The following BCL2 variants were observed in gnomAD, a reference collection of about 807,000 sequenced individuals.
BCL2 encodes the protein apoptosis regulator Bcl-2.
In BCL2, 1 loss-of-function variant was observed where a neutral mutation model predicts 14.2. The ratio of observed to expected loss-of-function variants is 0.07; its 90% CI spans 0.02 to 0.33. The LOEUF is 0.33. Ranked by LOEUF, BCL2 falls within the 10% of genes least tolerant of loss-of-function variation. The pLI, the probability that BCL2 is intolerant of heterozygous loss-of-function variation, is 0.99. For missense variants in BCL2, 247 were observed against 305.9 expected, an observed-to-expected ratio of 0.81 and a Z score of 1.44; for synonymous variants, 151 against 137.2, an observed-to-expected ratio of 1.10 and a Z score of -0.70.
intron 2 of BCL2, among the ~76,000 whole-genome samples, chr18:63,180,098 C>A (rs186510947): frequency 6.6e-6 from 1 of 152,234 alleles, no homozygotes; most frequent in Non-Finnish European, 1.5e-5. Context: ...GAAACCCTTA[C>A]CTTTCGGCAT....
chr18:63,292,241 A>T (rs903356174), intron 2 of BCL2, among the ~76,000 whole-genome samples: 3 of 151,968 alleles, frequency 2.0e-5, no homozygotes, highest in African/African-American at 7.3e-5. Context: ...AAAAAAAAAA[A>T]AATCATGCCC....
intron 2 of BCL2, among the ~76,000 whole-genome samples, chr18:63,211,722 A>T (rs909383749): frequency 2.0e-5 from 3 of 152,190 alleles, no homozygotes; most frequent in Admixed American, 6.5e-5. Context: ...TGAACAGCAA[A>T]TACCATTGGA....
chr18:63,177,754 C>T (rs1209549965), intron 2 of BCL2, among the ~76,000 whole-genome samples: 2 of 152,064 alleles, frequency 1.3e-5, no homozygotes, highest in Non-Finnish European at 2.9e-5. Flanking sequence ...AAGAAACAGC[C>T]CCCAAGAAGA....
At position 63,191,958 on chromosome 18, in the gene BCL2, T is replaced by C. The variant is rs536832777; in HGVS notation, c.586-63199A>G. On this transcript the variant is annotated intron_variant, in intron 2 of 2. Transcript: ENST00000333681. Reference sequence around the variant, plus strand: ...AAATACGTTTGTTACATTTAAATCATCTACAGCCTGAGTGCCTCCTTCCTT... The same window carrying C: ...AAATACGTTTGTTACATTTAAATCACCTACAGCCTGAGTGCCTCCTTCCTT... 2.0e-5 allele frequency among the ~76,000 whole-genome samples: 3 copies of C among 152,358 alleles called. No individual in the cohort carries two copies. In the South Asian group the frequency reaches 6.2e-4, roughly 32 times the overall value.
At chr18:63,319,026 CA>C in intron 1 of BCL2, 74 bp from the exon 2 acceptor site, 2 of 1,154,622 alleles carry the variant, frequency 1.7e-6, no homozygotes, top group Non-Finnish European at 2.1e-6. Context: ...TGAGTGAAAG[CA>C]GGGCATACAC....
At chr18:63,131,706 T>C (rs1183500288) in intron 2 of BCL2, among the ~76,000 whole-genome samples, 1 of 152,202 alleles carries the variant, frequency 6.6e-6, no homozygotes, top group Non-Finnish European at 1.5e-5. Flanking sequence ...TGGCTTGACA[T>C]TGAGAAGGTC....
chr18:63,300,342 C>G (rs1030943082), intron 2 of BCL2, among the ~76,000 whole-genome samples: 5 of 151,810 alleles, frequency 3.3e-5, no homozygotes, highest in African/African-American at 1.2e-4. Flanking sequence ...GCCTATTTAA[C>G]ACACACACAT....
intron 2 of BCL2, among the ~76,000 whole-genome samples, chr18:63,169,349 C>CTT (rs1326706407): frequency 3.5e-5 from 2 of 56,556 alleles, no homozygotes; most frequent in African/African-American, 9.4e-5. Flanking sequence ...TTCTTTCTTT[C>CTT]TTTCTTTCTT....
At chr18:63,178,612 G>C (rs1351816967) in intron 2 of BCL2, among the ~76,000 whole-genome samples, 2 of 152,258 alleles carry the variant, frequency 1.3e-5, no homozygotes, top group Non-Finnish European at 2.9e-5. Context: ...TATCCAAACA[G>C]CTGCAGTTCA....
At chr18:63,314,380 T>G (rs1467912127) in intron 2 of BCL2, 2 of 152,212 alleles carry the variant, frequency 1.3e-5, no homozygotes, top group Non-Finnish European at 2.9e-5. Flanking sequence ...GTGGACTGCC[T>G]TGAGAAAGGA....
At chr18:63,145,423 G>C (rs1443043032) in intron 2 of BCL2, among the ~76,000 whole-genome samples, 1 of 148,410 alleles carries the variant, frequency 6.7e-6, no homozygotes, top group East Asian at 1.9e-4. Context: ...TGGGCCGCTC[G>C]CCCCACTGCC....
intron 2 of BCL2, among the ~76,000 whole-genome samples, chr18:63,147,457 A>G (rs1914541644): frequency 6.6e-6 from 1 of 152,206 alleles, no homozygotes; most frequent in South Asian, 2.1e-4. Context: ...CGGTGCAAAT[A>G]GAGGCTTGAA....
chr18:63,258,034 A>G (rs1418807682), intron 2 of BCL2, among the ~76,000 whole-genome samples: 1 of 152,192 alleles, frequency 6.6e-6, no homozygotes, highest in Non-Finnish European at 1.5e-5. Flanking sequence ...AGTTAAGAGG[A>G]GGTCGTTAGG....
rs1261263162 is a variant in BCL2, at chr18:63,128,755, G to T, written c.590C>A (p.Ala197Asp). ...TWIQDNGGWDAFVELYGPSMR... is the reference protein window; with the variant it reads ...TWIQDNGGWDDFVELYGPSMR... The stretch of plus-strand genomic sequence containing the variant: ...GCTGGGGCCGTACAGTTCCACAAAG[G>T]CATCCTGCAGTTGGGGGAGAGGAGG... The change falls in exon 3 of 3, where the codon GCC (alanine) becomes GAC (aspartate). Residue 197 changes from alanine to aspartate, a missense_variant. Around this residue, in one of 3 missense-constraint regions of BCL2, gnomAD observed 36 missense variants for 24.9 expected, o/e 1.45. Coordinates refer to ENST00000333681, the MANE Select transcript of BCL2 (RefSeq NM_000633.3). 1 of 779,922 alleles carries T rather than the reference G, an allele frequency of 1.3e-6. No individual in the cohort carries two copies. The highest frequency in any genetic ancestry group is 2.4e-6 in the Non-Finnish European group (1 of 417,696). The allele number at this position is 779,922 out of a possible 1,614,324, so 48.3% of individuals were successfully genotyped here.
intron 2 of BCL2, among the ~76,000 whole-genome samples, chr18:63,169,414 T>G (rs1419065446): frequency 7.4e-6 from 1 of 135,770 alleles, no homozygotes; most frequent in African/African-American, 3.1e-5. Flanking sequence ...TTTCTTTCTC[T>G]CTCTCTCTCT....
intron 2 of BCL2, among the ~76,000 whole-genome samples, chr18:63,197,679 G>A (rs1305878392): frequency 1.3e-5 from 2 of 152,034 alleles, no homozygotes; most frequent in Non-Finnish European, 2.9e-5. Flanking sequence ...GAGAAAGGAG[G>A]AAGAAAGGAA....
Position 63,238,305 on chromosome 18 carries a change from G to C in BCL2, c.585+79777C>G, listed in dbSNP as rs141231504. ...ATGCAGTGATGTGGGCAGAAACCGA[G>C]TGAGTTCATGCCACCGAATGCTTTA... is the stretch of plus-strand genomic sequence containing the variant. On this transcript the variant is annotated intron_variant, in intron 2 of 2. Coordinates refer to ENST00000333681, the MANE Select transcript of BCL2 (RefSeq NM_000633.3). Among the ~76,000 whole-genome samples, 720 of 152,350 alleles carry C rather than the reference G, an allele frequency of 4.7e-3. 7 individuals are homozygous for C. Among genetic ancestry groups the C allele is most frequent in the African/African-American group, 0.016 (679 of 41,580 alleles).
At chr18:63,190,226 C>T (rs976700351) in intron 2 of BCL2, among the ~76,000 whole-genome samples, 2 of 152,066 alleles carry the variant, frequency 1.3e-5, no homozygotes, top group African/African-American at 4.8e-5. Context: ...TTGAATCCAC[C>T]CTAAATAATA....
At chr18:63,262,107 G>A (rs1483166385) in intron 2 of BCL2, among the ~76,000 whole-genome samples, 3 of 151,846 alleles carry the variant, frequency 2.0e-5, no homozygotes, top group Non-Finnish European at 4.4e-5. Context: ...AGTATAGGTG[G>A]GGTTTCACCA....
Sources: gnomAD v4.1 joint callset for allele counts (sites outside exome capture counted in the v4.1 genomes callset) on GRCh38, gnomAD v4.1.1 for gene constraint, gnomAD v4.1.1 regional missense constraint, MANE v1.5 for transcripts, NCBI Gene and HGNC (gene_info 2026-07-23, HGNC 2026-07-21) for gene names.